PASK: variants seen among roughly 807,000 people sequenced by gnomAD.
PASK encodes the protein PAS domain-containing serine/threonine-protein kinase.
PASK carries 110 observed loss-of-function variants against 121.0 expected under a neutral mutation model. That is an observed-to-expected ratio of 0.91 (90% CI 0.78 to 1.06). The LOEUF (loss-of-function observed/expected upper bound fraction) is 1.06, where lower values mean the gene tolerates loss of function less well. PASK is among the 50% of genes least tolerant of loss of function. The probability of loss-of-function intolerance (pLI) is 0.00; values close to 1 mark genes in which losing one functional copy is unlikely to be tolerated. For missense variants in PASK, 1,643 were observed against 1,702.3 expected, an observed-to-expected ratio of 0.97 and a Z score of 0.61; for synonymous variants, 686 against 717.8, an observed-to-expected ratio of 0.96 and a Z score of 0.71.
At position 241,112,548 on chromosome 2, in the gene PASK, C is replaced by T; in HGVS notation, c.3334-109G>A. 2.8e-6 allele frequency: 2 copies of T among 702,434 alleles called. No individual in the cohort carries two copies. Among genetic ancestry groups the T allele is most frequent in the South Asian group, 1.8e-5 (1 of 54,576 alleles). 43.5% of individuals were successfully genotyped at this position (702,434 alleles called of 1,614,324 possible). On this transcript the variant is annotated intron_variant, in intron 14 of 17. Coordinates refer to ENST00000234040, the MANE Select transcript of PASK (RefSeq NM_015148.4). The surrounding 1 kb of genome is among the most constrained non-coding windows in gnomAD (Gnocchi z 5.2). Reference sequence around the variant, plus strand: ...ACACAAAGAAAAAATAAACCTCCGACTCATAATGAACTGGGGACAGGAAAG... The same window carrying T: ...ACACAAAGAAAAAATAAACCTCCGATTCATAATGAACTGGGGACAGGAAAG...
chr2:241,143,475 C>T (rs1361062674), intron 1 of PASK, among the ~76,000 whole-genome samples: 5 of 150,814 alleles, frequency 3.3e-5, no homozygotes, highest in Non-Finnish European at 7.4e-5. Context: ...GGTGTGAACC[C>T]GGGAGGCAGA....
chr2:241,112,513 A>AC lies in PASK; in HGVS notation c.3334-75dup. ...AAATATGCATTTAAAATAAACTGGA[A>AC]CAAAAAAAAACACAAAGAAAAAATA... On this transcript the variant is annotated intron_variant, in intron 14 of 17. Transcript: ENST00000234040. This position sits in a 1 kb window ranked among gnomAD's most constrained non-coding sequence, Gnocchi z 5.2. The AC allele has an allele frequency of 1.1e-6, 1 of 906,210 alleles. No homozygotes were observed. 56.1% of individuals were successfully genotyped at this position (906,210 alleles called of 1,614,324 possible).
rs760717899 is a variant in PASK at position 241,135,875 on chromosome 2, G to GC, written c.1301dup (p.Gln435ProfsTer6). ...AGGAGGAAGAGGACGTCTTACCCTG[G>GC]CCCCCCTCAGCTGGGTCCTGGCCCT... On this transcript the variant is annotated frameshift_variant, in exon 8 of 18. Transcript: ENST00000234040. LOFTEE classifies it high-confidence loss of function. 1 of 1,613,724 alleles carries GC rather than the reference G, an allele frequency of 6.2e-7. No homozygotes were observed. Among genetic ancestry groups the GC allele is most frequent in the Non-Finnish European group, 8.5e-7 (1 of 1,179,736 alleles).
upstream of PASK, chr2:241,150,319 C>G (rs1041846722): frequency 2.3e-6 from 3 of 1,331,394 alleles, no homozygotes; most frequent in African/African-American, 3.1e-5. Context: ...GGGGGAGGCG[C>G]GGCGCGCGGC....
At chr2:241,141,407 G>A (rs567733408) in intron 2 of PASK, among the ~76,000 whole-genome samples, 4 of 152,226 alleles carry the variant, frequency 2.6e-5, no homozygotes, top group Middle Eastern at 3.4e-3. Context: ...CCTTGGAAGC[G>A]TTCCTACGAT....
Position 241,138,750 on chromosome 2 carries a change from C to T in PASK, c.645G>A (p.Val215=). The change falls in exon 5 of 18, where the codon GTG becomes GTA. Residue 215 remains valine, a synonymous_variant. Coordinates refer to ENST00000234040, the MANE Select transcript of PASK (RefSeq NM_015148.4). ...SRSGEKIPVS[V]WMKRMRQERR... ...GCTCCTGCCGCATCCTCTTCATCCA[C>T]ACAGACACTGGAATCTTCTCCCCAC... 1 of 1,614,160 alleles carries T rather than the reference C, an allele frequency of 6.2e-7. No homozygotes were observed. Among genetic ancestry groups the T allele is most frequent in the Non-Finnish European group, 8.5e-7 (1 of 1,179,996 alleles).
At chr2:241,118,231 A>C (rs895808300) in intron 12 of PASK, among the ~76,000 whole-genome samples, 3 of 152,062 alleles carry the variant, frequency 2.0e-5, no homozygotes, top group East Asian at 1.9e-4. Flanking sequence ...AAAAAAAAAA[A>C]CACAAAGTTG....
At chr2:241,136,142 A>T (rs2066417025) in intron 7 of PASK, 103 bp from the exon 8 acceptor site, 1 of 1,054,872 alleles carries the variant, frequency 9.5e-7, no homozygotes, top group Non-Finnish European at 1.5e-6. Flanking sequence ...CCAGTCCCTG[A>T]GGGTTCACCC....
rs2064897583 is a variant in PASK at position 241,106,720 on chromosome 2, C to G, written c.3818G>C (p.Ser1273Thr). The stretch of plus-strand genomic sequence containing the variant: ...CAGGCTCGCAGCGGACAGAACTCCA[C>G]TTTCTGAAGAAACAAGAAGGTAACT... ...EEVFRVNKPE[S>T]GVLSAASLEM... Residue 1273 changes from serine to threonine, a missense_variant, in exon 18 of 18, where the codon AGT (serine) becomes ACT (threonine). Transcript: ENST00000234040. 1 of 1,613,992 alleles carries G rather than the reference C, an allele frequency of 6.2e-7. No homozygotes were observed. The highest frequency in any genetic ancestry group is 1.3e-5 in the African/African-American group (1 of 74,938).
At chr2:241,148,520 G>A (rs190920633) in intron 1 of PASK, among the ~76,000 whole-genome samples, 23 of 152,334 alleles carry the variant, frequency 1.5e-4, no homozygotes, top group African/African-American at 5.5e-4. Context: ...GCCTCCCAGA[G>A]AGGAGTTCAG....
In PASK at chr2:241,126,815, T is replaced by A. The variant is rs767448325; in HGVS notation, c.2100A>T (p.Gly700=). The part of the protein sequence containing the change: ...VTAPVSSCDL[G]GRDLCGGCTG... ...TGCAGCCACCGCACAGGTCTCTGCC[T>A]CCCAGATCGCAGGACGACACAGGAG... is the stretch of plus-strand genomic sequence containing the variant. Residue 700 remains glycine (G), a synonymous_variant, in exon 10 of 18, where the codon GGA becomes GGT. Transcript: ENST00000234040. 6.2e-7 allele frequency: 1 copy of A among 1,613,486 alleles called. No homozygotes were observed. The highest frequency in any genetic ancestry group is 1.3e-5 in the African/African-American group (1 of 74,882).
At chr2:241,150,150 CA>C, upstream of PASK, 1 of 1,272,850 alleles carries the variant, frequency 7.9e-7, no homozygotes, top group Non-Finnish European at 9.9e-7. Context: ...TGACATAAGT[CA>C]ACTCTCAAGC....
chr2:241,124,195 G>T, intron 10 of PASK, 62 bp from the exon 11 acceptor site: 1 of 1,397,080 alleles, frequency 7.2e-7, no homozygotes, highest in Non-Finnish European at 1.0e-6. Context: ...AGCAGCTTTA[G>T]GTTAGAAAAG....
At chr2:241,137,878 G>C (rs920596419) in intron 6 of PASK, 75 bp downstream of exon 6, 1 of 1,540,918 alleles carries the variant, frequency 6.5e-7, no homozygotes, top group Non-Finnish European at 9.0e-7. Context: ...GAAACCCTTG[G>C]TCTGCGTCTC....
chr2:241,138,724 C>T lies in PASK; in HGVS notation c.671G>A (p.Arg224His), dbSNP rs777921319. The T allele has an allele frequency of 3.0e-5, 49 of 1,613,906 alleles. No individual in the cohort carries two copies. Among genetic ancestry groups the T allele is most frequent in the Non-Finnish European group, 4.1e-5 (48 of 1,179,872 alleles). The change falls in exon 5 of 18, where the codon CGC becomes CAC. Residue 224 changes from arginine to histidine, a missense_variant. Physicochemically the swap from Arg to His is conservative, Grantham distance 29. Transcript: ENST00000234040. ...CAGGACCACCACGCAGCATAGGCGGCGCTCCTGCCGCATCCTCTTCATCCA... is the reference window on the plus strand; with the variant it reads ...CAGGACCACCACGCAGCATAGGCGGTGCTCCTGCCGCATCCTCTTCATCCA... ...SVWMKRMRQE[R>H]RLCCVVVLEP...
chr2:241,108,190 T>C lies in PASK; in HGVS notation c.3644A>G (p.His1215Arg). 6.3e-7 allele frequency: 1 copy of C among 1,592,410 alleles called. No individual in the cohort carries two copies. Among genetic ancestry groups the C allele is most frequent in the Non-Finnish European group, 8.5e-7 (1 of 1,173,444 alleles). Residue 1215 changes from histidine to arginine, a missense_variant, in exon 16 of 18, where the codon CAC (histidine) becomes CGC (arginine). This residue lies in a region of PASK where 453 missense variants were observed against 511.2 expected (regional missense o/e 0.89). Transcript: ENST00000234040. The surrounding 1 kb of genome is among the most constrained non-coding windows in gnomAD (Gnocchi z 5.2). ...ELEETVEAAI[H>R]PPYLVSKELM... is the part of the protein sequence containing the mutation. ...ACCTTTGGACACCAGGTATGGCGGG[T>C]GTATGGCAGCCTCCACGGTCTCCTC...
At chr2:241,111,906 T>C (rs781416019) in intron 15 of PASK, among the ~76,000 whole-genome samples, 53 of 152,242 alleles carry the variant, frequency 3.5e-4, no homozygotes, top group Admixed American at 1.2e-3. Context: ...GTCATCAAAA[T>C]AAATAAACCT....
At position 241,108,417 on chromosome 2, in the gene PASK, CAA is replaced by C. The variant is rs1231179808; in HGVS notation, c.3534-119_3534-118del. 2 of 1,038,828 alleles carry C rather than the reference CAA, an allele frequency of 1.9e-6. No individual in the cohort carries two copies. Among genetic ancestry groups the C allele is most frequent in the Admixed American group, 3.7e-5 (2 of 53,370 alleles). 64.4% of individuals were successfully genotyped at this position (1,038,828 alleles called of 1,614,324 possible). A position where few individuals can be genotyped will look rare whatever the true frequency, so the allele number is the denominator to read the frequency against. On this transcript the variant is annotated intron_variant, in intron 15 of 17. Transcript: ENST00000234040. The surrounding 1 kb of genome is among the most constrained non-coding windows in gnomAD (Gnocchi z 5.2). ...GCACACAGGCCAGGCAGTGGTTTCCCAAGAGGAGGGTCACTCCACCCCTCAAA... is the reference window on the plus strand; with the variant it reads ...GCACACAGGCCAGGCAGTGGTTTCCCGAGGAGGGTCACTCCACCCCTCAAA...
In PASK at chr2:241,108,436, C is replaced by A; in HGVS notation, c.3534-136G>T. 1 of 845,814 alleles carries A rather than the reference C, an allele frequency of 1.2e-6. No individual in the cohort carries two copies. The highest frequency in any genetic ancestry group is 2.6e-5 in the East Asian group (1 of 38,032). The allele number at this position is 845,814 out of a possible 1,614,324, so 52.4% of individuals were successfully genotyped here. On this transcript the variant is annotated intron_variant, in intron 15 of 17. Coordinates refer to ENST00000234040, the MANE Select transcript of PASK (RefSeq NM_015148.4). The surrounding 1 kb of genome is among the most constrained non-coding windows in gnomAD (Gnocchi z 5.2). ...GTTTCCCAAGAGGAGGGTCACTCCA[C>A]CCCTCAAACACGCCCTCCATTTCCA...
Sources: gnomAD v4.1 joint callset for allele counts (sites outside exome capture counted in the v4.1 genomes callset) on GRCh38, gnomAD v4.1.1 for gene constraint, gnomAD v4.1.1 regional missense constraint, Gnocchi (gnomAD v3.1) non-coding constraint, MANE v1.5 for transcripts, NCBI Gene and HGNC (gene_info 2026-07-23, HGNC 2026-07-21) for gene names.